The following PRR12 variants were observed in gnomAD, a reference collection of about 807,000 sequenced individuals.
The protein encoded by PRR12 is proline-rich protein 12.
PRR12 carries 12 observed loss-of-function variants against 138.0 expected under a neutral mutation model. The observed-to-expected ratio is 0.09, with a 90% CI of 0.06 to 0.14. The LOEUF is 0.14. PRR12 is among the 10% of genes least tolerant of loss of function. The probability of loss-of-function intolerance (pLI) is 1.00; values close to 1 mark genes in which losing one functional copy is unlikely to be tolerated. For missense variants in PRR12, 2,692 were observed against 2,861.3 expected (o/e 0.94, Z 1.35); for synonymous variants, 1,567 against 1,291.7 (o/e 1.21, Z -4.57).
Position 49,601,628 on chromosome 19 carries a change from TCACCACCGC to T in PRR12, c.4488_4496del (p.Pro1498_Pro1500del), listed in dbSNP as rs777162815. The T allele has an allele frequency of 1.6e-4, 246 of 1,532,534 alleles. No homozygotes were observed. The highest frequency in any genetic ancestry group is 1.2e-3 in the East Asian group (49 of 40,618). 94.9% of individuals were successfully genotyped at this position (1,532,534 alleles called of 1,614,324 possible). ...CCCGCTGGTGGCCCCCACGCCCAGC[TCACCACCGC>T]CACCGCCGCTGCCGCCGCCACCTCC... is the stretch of plus-strand genomic sequence containing the variant. On this transcript the variant is annotated inframe_deletion, in exon 6 of 14. Transcript: ENST00000418929.
chr19:49,595,193 C>T lies in PRR12; in HGVS notation c.858C>T (p.Asp286=), dbSNP rs1321743959. Residue 286 remains aspartate, a synonymous_variant, in exon 4 of 14, where the codon GAC becomes GAT. Transcript: ENST00000418929. The part of the protein sequence containing the change: ...PPPERALPRQ[D]TVIKHYQRPA... ...CTGAGCGGGCCCTGCCACGCCAGGACACGGTCATCAAGCACTACCAGCGGC... is the reference window on the plus strand; with the variant it reads ...CTGAGCGGGCCCTGCCACGCCAGGATACGGTCATCAAGCACTACCAGCGGC... 1.2e-6 allele frequency: 2 copies of T among 1,604,014 alleles called. No homozygotes were observed. The highest frequency in any genetic ancestry group is 1.7e-5 in the Admixed American group (1 of 58,988).
Position 49,596,440 on chromosome 19 carries a change from G to A in PRR12, c.2105G>A (p.Ser702Asn). ...KEDPQRYHLQ[S>N]VIRTSASLDE... ...GACCCCCAGAGGTACCACCTGCAGA[G>A]TGTCATCCGCACCAGTGCCAGCCTG... The change falls in exon 4 of 14, where the codon AGT becomes AAT. Residue 702 changes from serine to asparagine, a missense_variant. Transcript: ENST00000418929. The surrounding 1 kb of genome is among the most constrained non-coding windows in gnomAD (Gnocchi z 5.6). The A allele has an allele frequency of 6.2e-7, 1 of 1,611,146 alleles. No individual in the cohort carries two copies.
chr19:49,602,429 C>A (rs924447376), intron 6 of PRR12, among the ~76,000 whole-genome samples: 4 of 152,212 alleles, frequency 2.6e-5, no homozygotes, highest in Admixed American at 2.0e-4. Flanking sequence ...CCGGACGCGG[C>A]AGCTTACACC....
intron 6 of PRR12, among the ~76,000 whole-genome samples, chr19:49,603,762 T>G (rs976860086): frequency 2.6e-5 from 4 of 152,164 alleles, no homozygotes; most frequent in Non-Finnish European, 4.4e-5. Flanking sequence ...CGATGTGACA[T>G]GGAGAAATTA....
chr19:49,622,818 G>T (rs2080930366), intron 11 of PRR12, among the ~76,000 whole-genome samples: 1 of 149,848 alleles, frequency 6.7e-6, no homozygotes, highest in South Asian at 2.1e-4. Context: ...CGTGAACCCG[G>T]GAGGCGGAGC....
At position 49,614,944 on chromosome 19, in the gene PRR12, C is replaced by T; in HGVS notation, c.4959C>T (p.Val1653=). 1 of 1,613,954 alleles carries T rather than the reference C, an allele frequency of 6.2e-7. No individual in the cohort carries two copies. Among genetic ancestry groups the T allele is most frequent in the Non-Finnish European group, 8.5e-7 (1 of 1,179,882 alleles). Residue 1653 remains valine, a synonymous_variant, in exon 8 of 14, where the codon GTC becomes GTT. Coordinates refer to ENST00000418929, the MANE Select transcript of PRR12 (RefSeq NM_020719.3). The surrounding 1 kb of genome is among the most constrained non-coding windows in gnomAD (Gnocchi z 5.0). ...TCTATGTAAAGTTCCTGGAAAATGT[C>T]AATAAGAAGGACTACGTGAGGGTCT... ...QRLYVKFLEN[V]NKKDYVRVCA...
Position 49,597,007 on chromosome 19 carries a change from C to T in PRR12, c.2672C>T (p.Pro891Leu), listed in dbSNP as rs2080775924. Reference sequence around the variant, plus strand: ...TTGCTCGGGGCTCTGGAGCCGCTGCCCCCGGCGCCTGGGGATACTGGCGTA... The same window carrying T: ...TTGCTCGGGGCTCTGGAGCCGCTGCTCCCGGCGCCTGGGGATACTGGCGTA... ...QELLGALEPL[P>L]PAPGDTGVGP... Residue 891 changes from proline (P) to leucine (L), a missense_variant, in exon 4 of 14, where the codon CCC (proline) becomes CTC (leucine). Pro to Leu is a moderately conservative substitution (Grantham distance 98). Around this residue, in one of 11 missense-constraint regions of PRR12, gnomAD observed 840 missense variants for 689.8 expected, o/e 1.22. Coordinates refer to ENST00000418929, the MANE Select transcript of PRR12 (RefSeq NM_020719.3). This position sits in a 1 kb window ranked among gnomAD's most constrained non-coding sequence, Gnocchi z 6.3. 2.6e-6 allele frequency: 4 copies of T among 1,558,052 alleles called. No homozygotes were observed. Among genetic ancestry groups the T allele is most frequent in the Non-Finnish European group, 3.5e-6 (4 of 1,154,092 alleles).
chr19:49,607,937 T>G (rs193208210), intron 6 of PRR12, among the ~76,000 whole-genome samples: 178 of 152,170 alleles, frequency 1.2e-3, no homozygotes, highest in African/African-American at 4.0e-3. Context: ...GAGAATCACT[T>G]GAACCTTGGA....
chr19:49,616,217 A>G lies in PRR12; in HGVS notation c.5495A>G (p.Asp1832Gly). 6.5e-7 allele frequency: 1 copy of G among 1,527,634 alleles called. No individual in the cohort carries two copies. Among genetic ancestry groups the G allele is most frequent in the Non-Finnish European group, 8.8e-7 (1 of 1,135,186 alleles). 94.6% of individuals were successfully genotyped at this position (1,527,634 alleles called of 1,614,324 possible). A position where few individuals can be genotyped will look rare whatever the true frequency, so the allele number is the denominator to read the frequency against. ...SESSPGAPSEDERAVPGRLLK... is the reference protein window; with the variant it reads ...SESSPGAPSEGERAVPGRLLK... The stretch of plus-strand genomic sequence containing the variant: ...TCCTCCCCTGGAGCCCCCAGCGAGG[A>G]CGGTGAGGCCCTAGGCAGCCTCAGG... Residue 1832 changes from aspartate to glycine, a missense_variant and splice_region_variant, in exon 9 of 14, where the codon GAC (aspartate) becomes GGC (glycine). By Grantham distance (94) the Asp-to-Gly change is moderately conservative. Transcript: ENST00000418929. This position sits in a 1 kb window ranked among gnomAD's most constrained non-coding sequence, Gnocchi z 4.2.
Position 49,602,020 on chromosome 19 carries a change from G to T in PRR12, c.4773+102G>T, listed in dbSNP as rs1397206134. On this transcript the variant is annotated intron_variant, in intron 6 of 13. Transcript: ENST00000418929. ...GCTTGTGCTGAGACCTGCAGATCCA[G>T]TCGTGGCCGGGCCGCCCTGGAATTT... 12 of 1,420,212 alleles carry T rather than the reference G, an allele frequency of 8.4e-6. No individual in the cohort carries two copies. The African/African-American group carries it at 1.7e-4, about 20-fold the overall frequency. 88.0% of individuals were successfully genotyped at this position (1,420,212 alleles called of 1,614,324 possible). A position where few individuals can be genotyped will look rare whatever the true frequency, so the allele number is the denominator to read the frequency against.
intron 10 of PRR12, 138 bp downstream of exon 10, chr19:49,620,615 G>A: frequency 7.7e-7 from 1 of 1,292,816 alleles, no homozygotes. Context: ...GCTGAGGCCT[G>A]GACCTGGGTC....
chr19:49,614,872 A>G lies in PRR12; in HGVS notation c.4891-4A>G. 6.2e-7 allele frequency: 1 copy of G among 1,613,872 alleles called. No homozygotes were observed. Among genetic ancestry groups the G allele is most frequent in the South Asian group, 1.1e-5 (1 of 91,078 alleles). On this transcript the variant is annotated splice_region_variant and splice_polypyrimidine_tract_variant and intron_variant, in intron 7 of 13. Coordinates refer to ENST00000418929, the MANE Select transcript of PRR12 (RefSeq NM_020719.3). This position sits in a 1 kb window ranked among gnomAD's most constrained non-coding sequence, Gnocchi z 5.0. ...TTTCCTCATGTGCCTCTTTCTCCCC[A>G]TAGTATTTGGGGTATTTTGGGGATG...
intron 6 of PRR12, among the ~76,000 whole-genome samples, chr19:49,607,465 G>T (rs1335878229): frequency 1.3e-5 from 2 of 152,002 alleles, no homozygotes; most frequent in African/African-American, 4.8e-5. Flanking sequence ...CAGCACTTTG[G>T]GAGTCCAAGG....
Position 49,599,880 on chromosome 19 carries a change from A to T in PRR12, c.4287A>T (p.Ala1429=), listed in dbSNP as rs548605527. Residue 1429 remains alanine, a synonymous_variant, in exon 5 of 14, where the codon GCA becomes GCT. Coordinates refer to ENST00000418929, the MANE Select transcript of PRR12 (RefSeq NM_020719.3). The surrounding 1 kb of genome is among the most constrained non-coding windows in gnomAD (Gnocchi z 5.0). ...GGCCGCCCTTGGCCCCCGCGGCTGC[A>T]GTTCCAGGGCCACCCCCTCTTCCGG... The part of the protein sequence containing the change: ...PDGPPLAPAA[A]VPGPPPLPGL... The T allele has an allele frequency of 6.2e-7, 1 of 1,612,368 alleles. No individual in the cohort carries two copies. The highest frequency in any genetic ancestry group is 2.2e-5 in the East Asian group (1 of 44,880).
In PRR12 at chr19:49,591,661, A is replaced by C. The variant is rs771221535; in HGVS notation, c.7A>C (p.Arg3=). 1 of 1,215,296 alleles carries C rather than the reference A, an allele frequency of 8.2e-7. No individual in the cohort carries two copies. Among genetic ancestry groups the C allele is most frequent in the South Asian group, 1.4e-5 (1 of 71,700 alleles). 75.3% of individuals were successfully genotyped at this position (1,215,296 alleles called of 1,614,324 possible). Reference sequence around the variant, plus strand: ...TTTCCACCGCGGCCAATTCATGGACAGGAACTACCCCAGCGCCGGCTTCGG... The same window carrying C: ...TTTCCACCGCGGCCAATTCATGGACCGGAACTACCCCAGCGCCGGCTTCGG... MD[R]NYPSAGFGDP... Residue 3 remains arginine (R), a synonymous_variant, in exon 1 of 14, where the codon AGG becomes CGG. Coordinates refer to ENST00000418929, the MANE Select transcript of PRR12 (RefSeq NM_020719.3).
chr19:49,597,886 C>T lies in PRR12; in HGVS notation c.3551C>T (p.Thr1184Ile), dbSNP rs2080785440. The change falls in exon 4 of 14, where the codon ACT becomes ATT. Residue 1184 changes from threonine to isoleucine, a missense_variant. By Grantham distance (89) the Thr-to-Ile change is moderately conservative. This residue lies in a region of PRR12 where 326 missense variants were observed against 344.2 expected (regional missense o/e 0.95). Transcript: ENST00000418929. This position sits in a 1 kb window ranked among gnomAD's most constrained non-coding sequence, Gnocchi z 6.3. ...ATCCGCCCCCTGGAGGTCCCGACCA[C>T]TGCGGGGCCCGCCTCGGCCTCCACG... ...PRIRPLEVPT[T>I]AGPASASTPT... The T allele has an allele frequency of 7.0e-7, 1 of 1,429,258 alleles. No homozygotes were observed. The highest frequency in any genetic ancestry group is 9.1e-7 in the Non-Finnish European group (1 of 1,094,676). 88.5% of individuals were successfully genotyped at this position (1,429,258 alleles called of 1,614,324 possible). A position where few individuals can be genotyped will look rare whatever the true frequency, so the allele number is the denominator to read the frequency against.
In PRR12 at chr19:49,595,063, C is replaced by T; in HGVS notation, c.728C>T (p.Thr243Ile). The change falls in exon 4 of 14, where the codon ACT (threonine) becomes ATT (isoleucine). Residue 243 changes from threonine (T) to isoleucine (I), a missense_variant. By Grantham distance (89) the Thr-to-Ile change is moderately conservative. Around this residue, in one of 11 missense-constraint regions of PRR12, gnomAD observed 523 missense variants for 496.4 expected, o/e 1.05. Transcript: ENST00000418929. ...DPPPPPRHLP[T>I]QFNLLASSSA... ...CCACCACCTCCTCGCCACCTCCCAA[C>T]TCAGTTCAACCTGCTGGCTTCCTCT... The T allele has an allele frequency of 6.2e-7, 1 of 1,611,762 alleles. No homozygotes were observed. The highest frequency in any genetic ancestry group is 8.5e-7 in the Non-Finnish European group (1 of 1,179,602).
Position 49,616,369 on chromosome 19 carries a change from CACTACA to C in PRR12, c.5497+151_5497+156del, listed in dbSNP as rs770412421. ...AGTAGCTCACAGTCACGGGGCATCTCACTACACGACAGGCTGCCTCCTGAGAAGCTG... is the reference window on the plus strand; with the variant it reads ...AGTAGCTCACAGTCACGGGGCATCTCCGACAGGCTGCCTCCTGAGAAGCTG... On this transcript the variant is annotated intron_variant, in intron 9 of 13. Transcript: ENST00000418929. The surrounding 1 kb of genome is among the most constrained non-coding windows in gnomAD (Gnocchi z 4.2). 2 of 687,302 alleles carry C rather than the reference CACTACA, an allele frequency of 2.9e-6. No individual in the cohort carries two copies. Among genetic ancestry groups the C allele is most frequent in the Non-Finnish European group, 2.3e-6 (1 of 435,808 alleles). 42.6% of individuals were successfully genotyped at this position (687,302 alleles called of 1,614,324 possible). A position where few individuals can be genotyped will look rare whatever the true frequency, so the allele number is the denominator to read the frequency against.
At chr19:49,624,769 A>G in intron 11 of PRR12, 75 bp from the exon 12 acceptor site, 1 of 1,559,678 alleles carries the variant, frequency 6.4e-7, no homozygotes, top group Non-Finnish European at 8.7e-7. Context: ...TGAGGCACAG[A>G]TCTGAGACCT....
Sources: allele counts gnomAD v4.1 joint callset (sites outside exome capture counted in the v4.1 genomes callset), GRCh38; gene constraint gnomAD v4.1.1; regional missense constraint gnomAD v4.1.1; non-coding constraint Gnocchi (gnomAD v3.1); transcripts MANE v1.5; gene names NCBI Gene and HGNC (gene_info 2026-07-23, HGNC 2026-07-21).